The following MAMLD1 variants were observed in gnomAD, a reference collection of about 807,000 sequenced individuals.
MAMLD1 encodes mastermind-like domain-containing protein 1.
MAMLD1 carries 14 observed loss-of-function variants against 45.0 expected under a neutral mutation model. The ratio of observed to expected loss-of-function variants is 0.31; its 90% confidence interval spans 0.21 to 0.49. The LOEUF (loss-of-function observed/expected upper bound fraction) is 0.49. MAMLD1 is among the 20% of genes least tolerant of loss of function. The pLI is 0.99. For missense variants in MAMLD1, 543 were observed against 603.6 expected (o/e 0.90, Z 1.05); for synonymous variants, 254 against 247.8 (o/e 1.02, Z -0.24).
chrX:150,487,773 G>C (rs1321426617), intron 5 of MAMLD1, among the ~76,000 whole-genome samples: 2 of 112,152 alleles, frequency 1.8e-5, no homozygotes, highest in Non-Finnish European at 3.8e-5. Context: ...CCTGTTCTTT[G>C]TTCTCTAGTG....
intron 5 of MAMLD1, among the ~76,000 whole-genome samples, chrX:150,483,588 A>G (rs1365348476): frequency 8.9e-6 from 1 of 112,712 alleles, no homozygotes; most frequent in African/African-American, 3.2e-5. Context: ...AGAACTTTGC[A>G]TCTGCATGTA....
At chrX:150,511,128 G>C (rs1323649590) in intron 7 of MAMLD1, among the ~76,000 whole-genome samples, 2 of 112,190 alleles carry the variant, frequency 1.8e-5, no homozygotes, top group Non-Finnish European at 3.8e-5. Flanking sequence ...CTTGTGCTCT[G>C]ACTGCACTGT....
chrX:150,386,328 C>A, intron 1 of MAMLD1, among the ~76,000 whole-genome samples: 1 of 111,330 alleles, frequency 9.0e-6, no homozygotes, highest in African/African-American at 3.3e-5. Context: ...GGTTCTCTTC[C>A]AAAACATTGA....
Position 150,513,530 on chromosome X carries a change from G to A in MAMLD1, c.*1571G>A. On this transcript the variant is annotated 3_prime_UTR_variant, in exon 8 of 8. Transcript: ENST00000370401. ...TGTGCAAGTTGACAAATGCCAAATA[G>A]AAAACCACTTGGCCATTTATTTCTA... 1 of 253,482 alleles carries A rather than the reference G, an allele frequency of 3.9e-6. No individual in the cohort carries two copies. Among genetic ancestry groups the A allele is most frequent in the Non-Finnish European group, 7.0e-6 (1 of 143,207 alleles). 20.9% of individuals were successfully genotyped at this position (253,482 alleles called of 1,213,427 possible). A position where few individuals can be genotyped will look rare whatever the true frequency, so the allele number is the denominator to read the frequency against.
rs200589572 is a variant in MAMLD1 at position 150,479,877 on chromosome X, T to C, written c.2040+6075T>C. 8.0e-5 allele frequency among the ~76,000 whole-genome samples: 9 copies of C among 111,960 alleles called. No individual in the cohort carries two copies. In the East Asian group the frequency reaches 2.5e-3, roughly 31 times the overall value. On this transcript the variant is annotated intron_variant, in intron 5 of 7. Transcript: ENST00000370401. ...CAGATGAAACTCACGGTAGACTTGCTCCATTCAGCTGTGGCCCTAACACCT... is the reference window on the plus strand; with the variant it reads ...CAGATGAAACTCACGGTAGACTTGCCCCATTCAGCTGTGGCCCTAACACCT...
chrX:150,377,766 G>T (rs2032395211), intron 1 of MAMLD1, among the ~76,000 whole-genome samples: 1 of 106,455 alleles, frequency 9.4e-6, no homozygotes, highest in Non-Finnish European at 1.9e-5. Context: ...CCTTTCACTT[G>T]ATTCCCCAAA....
intron 1 of MAMLD1, among the ~76,000 whole-genome samples, chrX:150,376,550 T>C (rs1370398690): frequency 4.5e-5 from 5 of 110,688 alleles, no homozygotes; most frequent in African/African-American, 1.6e-4. Context: ...TCCTAGGATC[T>C]TACAGAAGAA....
chrX:150,483,053 A>C (rs1227564287), intron 5 of MAMLD1, among the ~76,000 whole-genome samples: 1 of 112,216 alleles, frequency 8.9e-6, no homozygotes, highest in Admixed American at 9.4e-5. Flanking sequence ...CTTTCTGTGC[A>C]AACTGTCACT....
At chrX:150,489,779 A>AGGTTAGACATTCAAG (rs1439367514) in intron 5 of MAMLD1, among the ~76,000 whole-genome samples, 1 of 110,145 alleles carries the variant, frequency 9.1e-6, no homozygotes, top group Non-Finnish European at 1.9e-5. Flanking sequence ...AGGCACCCGT[A>AGGTTAGACATTCAAG]TCGGGTTAGA....
intron 5 of MAMLD1, among the ~76,000 whole-genome samples, chrX:150,493,866 G>T: frequency 8.9e-6 from 1 of 111,841 alleles, no homozygotes; most frequent in Non-Finnish European, 1.9e-5. Flanking sequence ...AAAGTGGAGA[G>T]AAAACACAAA....
chrX:150,374,770 C>G (rs1557401429), intron 1 of MAMLD1, among the ~76,000 whole-genome samples: 2 of 111,487 alleles, frequency 1.8e-5, no homozygotes, highest in Non-Finnish European at 3.8e-5. Flanking sequence ...TGAGGAGGTT[C>G]CACATTTGCC....
rs1196605458 is a variant in MAMLD1, at chrX:150,512,120, A to T, written c.*161A>T. On this transcript the variant is annotated 3_prime_UTR_variant, in exon 8 of 8. Coordinates refer to ENST00000370401, the MANE Select transcript of MAMLD1 (RefSeq NM_005491.5). The stretch of plus-strand genomic sequence containing the variant: ...TCAGAACAATCTGAGTCCAGGAATG[A>T]TCCCACTCACCAGGCACCAGAGCTG... 3 of 1,152,384 alleles carry T rather than the reference A, an allele frequency of 2.6e-6. No individual in the cohort carries two copies. Among genetic ancestry groups the T allele is most frequent in the Non-Finnish European group, 3.4e-6 (3 of 871,468 alleles). 95.0% of individuals were successfully genotyped at this position (1,152,384 alleles called of 1,213,427 possible).
Position 150,509,962 on chromosome X carries a change from C to T in MAMLD1, c.2285C>T (p.Ala762Val), listed in dbSNP as rs1270418550. Residue 762 changes from alanine (A) to valine (V), a missense_variant and splice_region_variant, in exon 7 of 8, where the codon GCA (alanine) becomes GTA (valine). By Grantham distance (64) the Ala-to-Val change is moderately conservative. Transcript: ENST00000370401. ...APLLPSCDATARGTEIRSYGN... is the reference protein window; with the variant it reads ...APLLPSCDATVRGTEIRSYGN... ...TTTGTCTTTTTCATCTTCTGTTTAG[C>T]AAGAGGAACAGAGATCAGGTCTTAT... 8.5e-7 allele frequency: 1 copy of T among 1,183,128 alleles called. No individual in the cohort carries two copies. The highest frequency in any genetic ancestry group is 1.2e-6 in the Non-Finnish European group (1 of 869,428).
At chrX:150,364,426 G>A (rs904465256) in intron 1 of MAMLD1, among the ~76,000 whole-genome samples, 2 of 113,102 alleles carry the variant, frequency 1.8e-5, no homozygotes, top group African/African-American at 6.4e-5. Context: ...CGGCCCTGAA[G>A]CCATCGGAAC....
intron 5 of MAMLD1, among the ~76,000 whole-genome samples, chrX:150,497,345 G>A (rs111402750): frequency 0.017 from 1,747 of 100,288 alleles, 40 homozygotes; most frequent in African/African-American, 0.062. Context: ...GTGCAGTGGC[G>A]TGATCTTGGC....
intron 1 of MAMLD1, among the ~76,000 whole-genome samples, chrX:150,439,361 GT>G (rs1407242580): frequency 9.0e-6 from 1 of 111,698 alleles, no homozygotes; most frequent in Non-Finnish European, 1.9e-5. Flanking sequence ...CTATTTTGTT[GT>G]TGTTGTTCAT....
chrX:150,378,946 T>A (rs2032465681), intron 1 of MAMLD1, among the ~76,000 whole-genome samples: 1 of 111,620 alleles, frequency 9.0e-6, no homozygotes, highest in East Asian at 2.8e-4. Flanking sequence ...TAACTTCTTT[T>A]AGTGAAGAAT....
chrX:150,512,829 CT>C lies in MAMLD1; in HGVS notation c.*871del. The stretch of plus-strand genomic sequence containing the variant: ...CCGTTCGACAGAACGGATATTCCCC[CT>C]GAGCTGCCACCTGCCGACTTTTTGC... On this transcript the variant is annotated 3_prime_UTR_variant, in exon 8 of 8. Transcript: ENST00000370401. 8.6e-7 allele frequency: 1 copy of C among 1,156,145 alleles called. No individual in the cohort carries two copies. Among genetic ancestry groups the C allele is most frequent in the Non-Finnish European group, 1.1e-6 (1 of 872,986 alleles).
chrX:150,488,377 A>G (rs1557407753), intron 5 of MAMLD1, among the ~76,000 whole-genome samples: 1 of 112,792 alleles, frequency 8.9e-6, no homozygotes, highest in Non-Finnish European at 1.9e-5. Flanking sequence ...CTGTAAAATG[A>G]TGAGCTCCAA....
Sources: allele counts gnomAD v4.1 joint callset (sites outside exome capture counted in the v4.1 genomes callset), GRCh38; gene constraint gnomAD v4.1.1; transcripts MANE v1.5; gene names NCBI Gene and HGNC (gene_info 2026-07-23, HGNC 2026-07-21).